The following PRKCQ variants were observed in gnomAD, a reference collection of about 807,000 sequenced individuals.
PRKCQ encodes the protein protein kinase C theta.
In PRKCQ, 41 loss-of-function variants were observed where a neutral mutation model predicts 91.2. That is an observed-to-expected ratio of 0.45 (90% confidence interval 0.35 to 0.58). The LOEUF (loss-of-function observed/expected upper bound fraction) is 0.58, where lower values mean the gene tolerates loss of function less well. Ranked by LOEUF, PRKCQ falls within the 20% of genes least tolerant of loss-of-function variation. The probability of loss-of-function intolerance (pLI) is 0.00; values close to 1 mark genes in which losing one functional copy is unlikely to be tolerated. For synonymous variants in PRKCQ, 307 were observed against 316.9 expected (o/e 0.97, Z 0.33); for missense variants, 673 against 896.5 (o/e 0.75, Z 3.18).
intron 1 of PRKCQ, among the ~76,000 whole-genome samples, chr10:6,548,262 G>A (rs1275551833): frequency 6.6e-6 from 1 of 151,332 alleles, no homozygotes; most frequent in Non-Finnish European, 1.5e-5. Context: ...TGGAGAAATA[G>A]GAACACTTTT....
intron 1 of PRKCQ, among the ~76,000 whole-genome samples, chr10:6,564,469 G>GC (rs1840762633): frequency 6.6e-6 from 1 of 151,966 alleles, no homozygotes; most frequent in South Asian, 2.1e-4. Context: ...ATCTTGCCTG[G>GC]CCCGTGACCT....
intron 15 of PRKCQ, among the ~76,000 whole-genome samples, chr10:6,446,607 C>T (rs555970357): frequency 3.3e-5 from 5 of 152,110 alleles, no homozygotes; most frequent in Non-Finnish European, 5.9e-5. Flanking sequence ...CTCAGGTGAT[C>T]CGCCTACCTC....
At chr10:6,485,054 A>C (rs2130782813) in intron 10 of PRKCQ, 98 bp downstream of exon 10, 1 of 1,053,120 alleles carries the variant, frequency 9.5e-7, no homozygotes, top group South Asian at 1.5e-5. Flanking sequence ...ATCACCTATC[A>C]GACCAGGTAA....
Position 6,443,392 on chromosome 10 carries a change from T to C in PRKCQ, c.1648-1311A>G, listed in dbSNP as rs566314126. ...TTGCTCATTGCAGCTTCATTCACAA[T>C]AGCCAAGATATGGACTCTAAGTGTC... On this transcript the variant is annotated intron_variant, in intron 15 of 17. Transcript: ENST00000263125. Among the ~76,000 whole-genome samples the C allele has an allele frequency of 7.9e-5, 12 of 152,298 alleles. No homozygotes were observed. The South Asian group carries it at 2.5e-3, about 32-fold the overall frequency.
the PRKCQ span, among the ~76,000 whole-genome samples, chr10:6,412,122 A>G: frequency 1.3e-5 from 2 of 152,198 alleles, no homozygotes; most frequent in Non-Finnish European, 2.9e-5. Context: ...TAATGGTGCC[A>G]TCATAGCTCA....
At chr10:6,396,193 T>A in the PRKCQ span, among the ~76,000 whole-genome samples, 2 of 152,202 alleles carry the variant, frequency 1.3e-5, no homozygotes, top group Non-Finnish European at 1.5e-5. Context: ...CCCCTTGCCA[T>A]TTGCTAGATG....
At chr10:6,500,339 C>A (rs186315467) in intron 4 of PRKCQ, among the ~76,000 whole-genome samples, 220 of 151,734 alleles carry the variant, frequency 1.4e-3, no homozygotes, top group East Asian at 0.013. Flanking sequence ...ATTATGGGGA[C>A]CCTATACAGG....
chr10:6,397,135 T>C, the PRKCQ span, among the ~76,000 whole-genome samples: 3 of 152,226 alleles, frequency 2.0e-5, no homozygotes. Context: ...CTCACTTTGT[T>C]GCCCAGGCTG....
the PRKCQ span, among the ~76,000 whole-genome samples, chr10:6,404,639 CCTTT>C: frequency 2.4e-4 from 33 of 135,452 alleles, no homozygotes; most frequent in Non-Finnish European, 4.5e-4. Flanking sequence ...TTTCTTCCTT[CCTTT>C]CTTTCCTTTT....
chr10:6,505,886 TCTG>T (rs1838180521), intron 4 of PRKCQ, among the ~76,000 whole-genome samples: 1 of 152,170 alleles, frequency 6.6e-6, no homozygotes. Flanking sequence ...GCTCAAGTGA[TCTG>T]CCCACCTCGG....
chr10:6,439,097 T>A (rs1338750486), intron 16 of PRKCQ, among the ~76,000 whole-genome samples: 1 of 152,210 alleles, frequency 6.6e-6, no homozygotes, highest in African/African-American at 2.4e-5. Flanking sequence ...CAACTCTGAG[T>A]CTGTCTAGAG....
the PRKCQ span, among the ~76,000 whole-genome samples, chr10:6,402,888 C>A: frequency 2.0e-5 from 3 of 152,288 alleles, no homozygotes; most frequent in Admixed American, 2.0e-4. Context: ...CTAGCCTGGG[C>A]AACAGAATGA....
intron 14 of PRKCQ, among the ~76,000 whole-genome samples, chr10:6,459,658 A>G (rs911205516): frequency 1.3e-5 from 2 of 152,272 alleles, no homozygotes; most frequent in African/African-American, 4.8e-5. Flanking sequence ...AAGTGTTCTT[A>G]GAAAAGACAG....
chr10:6,505,792 C>T (rs1304646898), intron 4 of PRKCQ, among the ~76,000 whole-genome samples: 10 of 152,184 alleles, frequency 6.6e-5, no homozygotes, highest in South Asian at 6.2e-4. Flanking sequence ...ACTACAGGCA[C>T]GCACCACCAA....
rs1256087498 is a variant in PRKCQ, at chr10:6,497,811, C to T, written c.543-560G>A. Among the ~76,000 whole-genome samples, 1 of 152,192 alleles carries T rather than the reference C, an allele frequency of 6.6e-6. No individual in the cohort carries two copies. The highest frequency in any genetic ancestry group is 1.5e-5 in the Non-Finnish European group (1 of 68,034). ...ATACCCTGGTTACACAGGAGCTGTG[C>T]TTTAACAGTTTCTGCAGTAGCCTAA... On this transcript the variant is annotated intron_variant, in intron 5 of 17. Transcript: ENST00000263125. This position sits in a 1 kb window ranked among gnomAD's most constrained non-coding sequence, Gnocchi z 4.5.
intron 13 of PRKCQ, among the ~76,000 whole-genome samples, chr10:6,463,849 G>T (rs1219817947): frequency 6.6e-6 from 1 of 152,166 alleles, no homozygotes; most frequent in East Asian, 1.9e-4. Flanking sequence ...CCGTCTCCAG[G>T]TGTCTCAGGC....
At chr10:6,404,462 C>A in the PRKCQ span, among the ~76,000 whole-genome samples, 1 of 148,792 alleles carries the variant, frequency 6.7e-6, no homozygotes, top group Non-Finnish European at 1.5e-5. Context: ...TTTCTTCCTT[C>A]CTTTTTTCCT....
rs1406928982 is a variant in PRKCQ at position 6,428,235 on chromosome 10, T to C, written c.2093A>G (p.Asn698Ser). 1 of 1,613,848 alleles carries C rather than the reference T, an allele frequency of 6.2e-7. No homozygotes were observed. The highest frequency in any genetic ancestry group is 1.3e-5 in the African/African-American group (1 of 74,822). Residue 698 changes from asparagine to serine, a missense_variant, in exon 18 of 18, where the codon AAC (asparagine) becomes AGC (serine). Coordinates refer to ENST00000263125, the MANE Select transcript of PRKCQ (RefSeq NM_006257.5). Reference protein sequence around the residue: ...QNMFRNFSFMNPGMERLIS With the variant: ...QNMFRNFSFMSPGMERLIS ...GGATATCAGCCGCTCCATCCCGGGG[T>C]TCATGAAGGAAAAGTTCCTGAACAT...
intron 1 of PRKCQ, among the ~76,000 whole-genome samples, chr10:6,567,535 C>T (rs2130968131): frequency 6.6e-6 from 1 of 152,360 alleles, no homozygotes; most frequent in East Asian, 1.9e-4. Flanking sequence ...GCTTACATTC[C>T]TCAGGAGGGA....
Sources: gnomAD v4.1 joint callset for allele counts (sites outside exome capture counted in the v4.1 genomes callset) on GRCh38, gnomAD v4.1.1 for gene constraint, Gnocchi (gnomAD v3.1) non-coding constraint, MANE v1.5 for transcripts, NCBI Gene and HGNC (gene_info 2026-07-23, HGNC 2026-07-21) for gene names.